NRXN3: variants seen among roughly 807,000 people sequenced by gnomAD.
NRXN3 encodes the protein neurexin 3, also known as neurexin III.
In NRXN3, 32 loss-of-function variants were observed where a neutral mutation model predicts 137.6. That is an observed-to-expected ratio of 0.23 (90% CI 0.18 to 0.31). NRXN3 has a LOEUF of 0.31. Ranked by LOEUF, NRXN3 falls within the 10% of genes least tolerant of loss-of-function variation. NRXN3 has a pLI of 1.00. For synonymous variants in NRXN3, 798 were observed against 784.5 expected (o/e 1.02, Z -0.29); for missense variants, 1,574 against 2,062.5 (o/e 0.76, Z 4.59).
At chr14:79,803,506 C>T (rs780636300) in intron 19 of NRXN3, among the ~76,000 whole-genome samples, 26 of 152,168 alleles carry the variant, frequency 1.7e-4, no homozygotes, top group Non-Finnish European at 2.6e-4. Context: ...CTGCGTCCTA[C>T]TGTCCTCTTT....
chr14:78,190,015 G>A (rs575165851), intron 1 of NRXN3, among the ~76,000 whole-genome samples: 1 of 152,174 alleles, frequency 6.6e-6, no homozygotes, highest in South Asian at 2.1e-4. Context: ...CTTATCACTT[G>A]TCTCATCTGA....
intron 4 of NRXN3, among the ~76,000 whole-genome samples, chr14:78,588,766 T>C (rs748541064): frequency 6.6e-6 from 1 of 152,232 alleles, no homozygotes; most frequent in Non-Finnish European, 1.5e-5. Context: ...ACCTAGAGGT[T>C]GCTTTCTCAG....
Position 79,826,148 on chromosome 14 carries a change from A to C in NRXN3, c.4093+20958A>C, listed in dbSNP as rs144507774. Among the ~76,000 whole-genome samples, 817 of 152,164 alleles carry C rather than the reference A, an allele frequency of 5.4e-3. 4 individuals are homozygous for C. Among genetic ancestry groups the C allele is most frequent in the African/African-American group, 0.019 (797 of 41,524 alleles). The stretch of plus-strand genomic sequence containing the variant: ...GTAGCTGAGATTACAGGCACCTGCT[A>C]CCATGCCCAGCTAGTTTTTATATTT... On this transcript the variant is annotated intron_variant, in intron 20 of 20. Coordinates refer to ENST00000335750, the MANE Select transcript of NRXN3 (RefSeq NM_001330195.2).
chr14:78,300,750 G>A (rs2076793436), intron 4 of NRXN3: 6 of 1,161,752 alleles, frequency 5.2e-6, no homozygotes, highest in Non-Finnish European at 7.4e-6. Context: ...AAATATTCAT[G>A]CATCCAAGAG....
At chr14:79,824,806 C>T (rs755267302) in intron 20 of NRXN3, among the ~76,000 whole-genome samples, 1 of 152,134 alleles carries the variant, frequency 6.6e-6, no homozygotes, top group Non-Finnish European at 1.5e-5. Context: ...TCAGAAGCTG[C>T]TCAAATTGTT....
intron 4 of NRXN3, among the ~76,000 whole-genome samples, chr14:78,375,296 G>C (rs2087618375): frequency 6.6e-6 from 1 of 152,158 alleles, no homozygotes; most frequent in Non-Finnish European, 1.5e-5. Flanking sequence ...ATGCCATTTG[G>C]AACAACATGG....
At chr14:79,216,918 C>T (rs2068611967) in intron 15 of NRXN3, among the ~76,000 whole-genome samples, 1 of 152,132 alleles carries the variant, frequency 6.6e-6, no homozygotes, top group African/African-American at 2.4e-5. Context: ...GGGTGGATCA[C>T]AAGGTCAGCA....
chr14:79,297,355 T>A (rs1288974172), intron 15 of NRXN3, among the ~76,000 whole-genome samples: 1 of 152,168 alleles, frequency 6.6e-6, no homozygotes, highest in East Asian at 1.9e-4. Context: ...ACTGACTTTT[T>A]AAAAGTACAG....
chr14:78,941,252 T>G (rs951759030), intron 10 of NRXN3, among the ~76,000 whole-genome samples: 1 of 152,152 alleles, frequency 6.6e-6, no homozygotes, highest in Non-Finnish European at 1.5e-5. Flanking sequence ...TGCATCTAAC[T>G]GGGGGATATT....
At chr14:78,967,449 A>G (rs768816842) in intron 13 of NRXN3, 51 bp downstream of exon 13, 1 of 1,355,582 alleles carries the variant, frequency 7.4e-7, no homozygotes, top group South Asian at 1.3e-5. Flanking sequence ...CTTACAATAG[A>G]TAGACTATTT....
intron 15 of NRXN3, among the ~76,000 whole-genome samples, chr14:79,194,549 A>G (rs2064875975): frequency 6.6e-6 from 1 of 152,222 alleles, no homozygotes; most frequent in South Asian, 2.1e-4. Context: ...GGAAAGTAAG[A>G]AAAAGGCAAA....
At chr14:79,541,922 C>T (rs907316635) in intron 16 of NRXN3, among the ~76,000 whole-genome samples, 1 of 152,132 alleles carries the variant, frequency 6.6e-6, no homozygotes, top group Non-Finnish European at 1.5e-5. Flanking sequence ...AAGCCTAGTT[C>T]ACTTTAGATT....
intron 3 of NRXN3, among the ~76,000 whole-genome samples, chr14:78,297,205 A>G (rs2076428315): frequency 6.6e-6 from 1 of 152,200 alleles, no homozygotes; most frequent in South Asian, 2.1e-4. Context: ...TCCCTGGGCT[A>G]AGATGACAGT....
rs995542589 is a variant in NRXN3 at position 78,243,498 on chromosome 14, G to A, written c.405G>A (p.Gln135=). ...LDGEGQSGEL[Q]PQRPYMDVVS... ...GCGAGGGCCAGTCTGGGGAGCTGCA[G>A]CCCCAGCGGCCCTACATGGATGTGG... is the stretch of plus-strand genomic sequence containing the variant. The change falls in exon 2 of 21, where the codon CAG becomes CAA. Residue 135 remains glutamine (Q), a synonymous_variant. Transcript: ENST00000335750. The surrounding 1 kb of genome is among the most constrained non-coding windows in gnomAD (Gnocchi z 4.2). 6.3e-7 allele frequency: 1 copy of A among 1,592,268 alleles called. No homozygotes were observed.
intron 19 of NRXN3, among the ~76,000 whole-genome samples, chr14:79,759,572 C>T (rs1224590011): frequency 6.6e-6 from 1 of 151,630 alleles, no homozygotes; most frequent in African/African-American, 2.4e-5. Flanking sequence ...CTTCTAATGA[C>T]AATTGCTTTA....
intron 7 of NRXN3, 73 bp downstream of exon 7, chr14:78,709,728 G>A (rs760320673): frequency 3.0e-5 from 41 of 1,387,168 alleles, no homozygotes; most frequent in Non-Finnish European, 3.9e-5. Flanking sequence ...TTGGCTTTAT[G>A]TTTCTTAATT....
At chr14:79,055,037 A>T (rs919238463) in intron 15 of NRXN3, among the ~76,000 whole-genome samples, 1 of 152,154 alleles carries the variant, frequency 6.6e-6, no homozygotes, top group Non-Finnish European at 1.5e-5. Flanking sequence ...TTCCATTAGT[A>T]TGTGGGATTC....
At chr14:79,503,256 A>T (rs1158022662) in intron 16 of NRXN3, among the ~76,000 whole-genome samples, 1 of 152,166 alleles carries the variant, frequency 6.6e-6, no homozygotes, top group Non-Finnish European at 1.5e-5. Context: ...GAGTTTCCAA[A>T]GATAATATAG....
At chr14:79,278,417 T>C (rs1265981830) in intron 15 of NRXN3, among the ~76,000 whole-genome samples, 2 of 151,924 alleles carry the variant, frequency 1.3e-5, no homozygotes, top group Admixed American at 6.6e-5. Flanking sequence ...CCTCCTGGAG[T>C]CACAGATGGC....
Sources: gnomAD v4.1 joint callset for allele counts (sites outside exome capture counted in the v4.1 genomes callset) on GRCh38, gnomAD v4.1.1 for gene constraint, Gnocchi (gnomAD v3.1) non-coding constraint, MANE v1.5 for transcripts, NCBI Gene and HGNC (gene_info 2026-07-23, HGNC 2026-07-21) for gene names.